Variants in CREB5 observed in about 807,000 individuals in gnomAD.
The protein encoded by CREB5 is cAMP responsive element binding protein 5.
In CREB5, 19 loss-of-function variants were observed where a neutral mutation model predicts 57.1. The ratio of observed to expected loss-of-function variants is 0.33; its 90% CI spans 0.23 to 0.49. The LOEUF is 0.49. Among genes scored for constraint, CREB5 ranks in the 20% least tolerant of loss-of-function variants. CREB5 has a pLI of 0.99. For synonymous variants in CREB5, 238 were observed against 238.3 expected (o/e 1.00, Z 0.01); for missense variants, 579 against 671.6 (o/e 0.86, Z 1.52).
chr7:28,390,388 C>G (rs1237155837), intron 1 of CREB5, among the ~76,000 whole-genome samples: 2 of 152,170 alleles, frequency 1.3e-5, no homozygotes, highest in African/African-American at 4.8e-5. Context: ...TTATTTCACT[C>G]TTTTTAAAAA....
At chr7:28,809,526 C>T (rs1808975930) in intron 9 of CREB5, 112 bp downstream of exon 9, 2 of 952,836 alleles carry the variant, frequency 2.1e-6, no homozygotes, top group Non-Finnish European at 3.1e-6. Context: ...ACTTAGTCCA[C>T]AGAGGAGCCG....
intron 4 of CREB5, among the ~76,000 whole-genome samples, chr7:28,536,715 C>T (rs961739588): frequency 6.6e-6 from 1 of 152,150 alleles, no homozygotes; most frequent in East Asian, 1.9e-4. Context: ...GGAACATATA[C>T]TAATGACTTG....
intron 1 of CREB5, 67 bp from the exon 2 acceptor site, chr7:28,488,108 C>T: frequency 6.9e-7 from 1 of 1,451,906 alleles, no homozygotes; most frequent in South Asian, 1.2e-5. Context: ...TCTCACGTTG[C>T]TCAGGTAGAA....
intron 1 of CREB5, among the ~76,000 whole-genome samples, chr7:28,389,805 G>A (rs1220531265): frequency 1.3e-5 from 2 of 152,034 alleles, no homozygotes; most frequent in Non-Finnish European, 2.9e-5. Flanking sequence ...GCAGAAGTCT[G>A]AGCGGCCCCT....
chr7:28,809,304 C>G lies in CREB5; in HGVS notation c.1144C>G (p.Leu382Val). 6.2e-7 allele frequency: 1 copy of G among 1,614,192 alleles called. No homozygotes were observed. Among genetic ancestry groups the G allele is most frequent in the Non-Finnish European group, 8.5e-7 (1 of 1,180,032 alleles). Reference protein sequence around the residue: ...EDPDERRRKFLERNRAAATRC... With the variant: ...EDPDERRRKFVERNRAAATRC... The stretch of plus-strand genomic sequence containing the variant: ...TCCGGACGAGAGGCGGCGGAAATTT[C>G]TGGAACGGAACCGGGCAGCTGCCAC... Residue 382 changes from leucine (L) to valine (V), a missense_variant, in exon 9 of 11, where the codon CTG becomes GTG. Coordinates refer to ENST00000357727, the MANE Select transcript of CREB5 (RefSeq NM_182898.4).
chr7:28,373,737 CT>C (rs1171942827), intron 1 of CREB5, among the ~76,000 whole-genome samples: 1 of 151,882 alleles, frequency 6.6e-6, no homozygotes, highest in Non-Finnish European at 1.5e-5. Context: ...AAATTTTCCT[CT>C]TAATACTGTT....
In CREB5 at chr7:28,560,847, CGTGTGT is replaced by C. The variant is rs1284367626; in HGVS notation, c.292-9512_292-9507del. Among the ~76,000 whole-genome samples the C allele has an allele frequency of 1.5e-3, 63 of 42,208 alleles. 5 individuals carry two copies. Among genetic ancestry groups the C allele is most frequent in the African/African-American group, 3.6e-3 (49 of 13,760 alleles). The allele number at this position is 42,208 out of a possible 152,430, so 27.7% of individuals were successfully genotyped here. ...GCGCGCGCGCGCGTGTGTGTGTGCG[CGTGTGT>C]GTGTGCGTGTGCCTGCGTGCGCGTG... On this transcript the variant is annotated intron_variant, in intron 4 of 10. Coordinates refer to ENST00000357727, the MANE Select transcript of CREB5 (RefSeq NM_182898.4).
At chr7:28,361,872 C>T (rs923364772) in intron 1 of CREB5, among the ~76,000 whole-genome samples, 1 of 152,156 alleles carries the variant, frequency 6.6e-6, no homozygotes, top group Non-Finnish European at 1.5e-5. Flanking sequence ...CCTAACAAAA[C>T]AGCAAAGAGC....
chr7:28,743,093 T>G (rs1804468900), intron 7 of CREB5, among the ~76,000 whole-genome samples: 1 of 152,190 alleles, frequency 6.6e-6, no homozygotes, highest in South Asian at 2.1e-4. Flanking sequence ...TTATTTTGCT[T>G]TTACTAATCG....
chr7:28,692,013 C>CAAAAAAAA (rs10660459), intron 5 of CREB5, among the ~76,000 whole-genome samples: 3 of 102,844 alleles, frequency 2.9e-5, no homozygotes, highest in Non-Finnish European at 4.3e-5. Flanking sequence ...TACTAAAATA[C>CAAAAAAAA]AAAAAAAAAA....
At chr7:28,559,140 A>C (rs1035357420) in intron 4 of CREB5, among the ~76,000 whole-genome samples, 1 of 152,134 alleles carries the variant, frequency 6.6e-6, no homozygotes, top group African/African-American at 2.4e-5. Flanking sequence ...GTTTCTAGTC[A>C]CTTTGCTTTG....
Position 28,625,842 on chromosome 7 carries a change from T to C in CREB5, c.464+55305T>C, listed in dbSNP as rs559434399. Among the ~76,000 whole-genome samples, 182 of 152,332 alleles carry C rather than the reference T, an allele frequency of 1.2e-3. 1 individual carries two copies. Among genetic ancestry groups the C allele is most frequent in the Non-Finnish European group, 1.7e-3 (117 of 68,032 alleles). ...CACTCATTTTGTTAAAATGACATAATATCATAGAGGATCATCTATTTCAAT... is the reference window on the plus strand; with the variant it reads ...CACTCATTTTGTTAAAATGACATAACATCATAGAGGATCATCTATTTCAAT... On this transcript the variant is annotated intron_variant, in intron 5 of 10. Transcript: ENST00000357727.
intron 1 of CREB5, among the ~76,000 whole-genome samples, chr7:28,370,035 T>C (rs1194823941): frequency 2.0e-5 from 3 of 152,206 alleles, no homozygotes; most frequent in Admixed American, 2.0e-4. Flanking sequence ...TATCTGCTCA[T>C]AGTAAAACCC....
At position 28,769,555 on chromosome 7, in the gene CREB5, G is replaced by A. The variant is rs371288242; in HGVS notation, c.703-34644G>A. ...AATTTTTTAAAAAACAGAATATGTC[G>A]TAGGGCCCCAAGGTGTATGTCTTGT... On this transcript the variant is annotated intron_variant, in intron 7 of 10. Coordinates refer to ENST00000357727, the MANE Select transcript of CREB5 (RefSeq NM_182898.4). 7.0e-4 allele frequency among the ~76,000 whole-genome samples: 106 copies of A among 152,142 alleles called. 1 individual carries two copies. In the South Asian group the frequency reaches 7.1e-3, roughly 10 times the overall value.
intron 4 of CREB5, among the ~76,000 whole-genome samples, chr7:28,558,027 G>A (rs1338741530): frequency 6.6e-6 from 1 of 152,166 alleles, no homozygotes; most frequent in Non-Finnish European, 1.5e-5. Context: ...ATTTCTGGAA[G>A]TTTCTTTGGG....
chr7:28,662,370 C>T (rs1177222313), intron 5 of CREB5, among the ~76,000 whole-genome samples: 1 of 152,198 alleles, frequency 6.6e-6, no homozygotes, highest in Non-Finnish European at 1.5e-5. Flanking sequence ...TGGCCTCGCC[C>T]CAGCTCAGCA....
chr7:28,372,365 T>TAATTTTAA (rs1217638581), intron 1 of CREB5, among the ~76,000 whole-genome samples: 1 of 152,238 alleles, frequency 6.6e-6, no homozygotes, highest in African/African-American at 2.4e-5. Context: ...GACGTCCTGG[T>TAATTTTAA]AATTTTAAAA....
chr7:28,366,783 T>C (rs190269793), intron 1 of CREB5, among the ~76,000 whole-genome samples: 1 of 152,358 alleles, frequency 6.6e-6, no homozygotes, highest in African/African-American at 2.4e-5. Flanking sequence ...ATTACAGTTA[T>C]TAACTTCATC....
At chr7:28,476,615 T>C (rs1441825440) in intron 1 of CREB5, among the ~76,000 whole-genome samples, 2 of 152,220 alleles carry the variant, frequency 1.3e-5, no homozygotes, top group Non-Finnish European at 2.9e-5. Context: ...TTTTCTAACA[T>C]AAAATCTGGT....
Sources: gnomAD v4.1 joint callset for allele counts (sites outside exome capture counted in the v4.1 genomes callset) on GRCh38, gnomAD v4.1.1 for gene constraint, MANE v1.5 for transcripts, NCBI Gene and HGNC (gene_info 2026-07-23, HGNC 2026-07-21) for gene names.